The following LRRC3C variants were observed in gnomAD, a reference collection of about 807,000 sequenced individuals.
LRRC3C encodes leucine-rich repeat-containing protein 3C.
Under a neutral mutation model 14.8 loss-of-function variants are expected in LRRC3C, and 11 were observed. That is an observed-to-expected ratio of 0.74 (90% CI 0.47 to 1.23). The LOEUF (loss-of-function observed/expected upper bound fraction) is 1.23. Among genes scored for constraint, LRRC3C ranks in the 50% most tolerant of loss-of-function variants. LRRC3C has a pLI of 0.00. For synonymous variants in LRRC3C, 149 were observed against 161.5 expected (o/e 0.92, Z 0.59); for missense variants, 354 against 361.8 (o/e 0.98, Z 0.18).
chr17:39,927,980 T>C (rs1046330808), intron 1 of LRRC3C, 166 bp downstream of exon 1: 4 of 620,624 alleles, frequency 6.4e-6, no homozygotes, highest in Non-Finnish European at 6.0e-6. Flanking sequence ...CTGCAGGATT[T>C]TTCCACTGCA....
At position 39,941,459 on chromosome 17, in the gene LRRC3C, C is replaced by G. The variant is rs1690625352; in HGVS notation, c.-65C>G. 1 of 1,365,992 alleles carries G rather than the reference C, an allele frequency of 7.3e-7. No homozygotes were observed. Among genetic ancestry groups the G allele is most frequent in the South Asian group, 1.2e-5 (1 of 80,442 alleles). 84.6% of individuals were successfully genotyped at this position (1,365,992 alleles called of 1,614,324 possible). A position where few individuals can be genotyped will look rare whatever the true frequency, so the allele number is the denominator to read the frequency against. ...TGCACTCAGCTCTACAATTCCGTGT[C>G]CAGTCCTGGTCACCCATAGTCTTCC... is the stretch of plus-strand genomic sequence containing the variant. On this transcript the variant is annotated 5_prime_UTR_variant, in exon 3 of 4. Transcript: ENST00000377924.
intron 2 of LRRC3C, among the ~76,000 whole-genome samples, chr17:39,938,583 C>G (rs1978860671): frequency 6.6e-6 from 1 of 151,214 alleles, no homozygotes; most frequent in East Asian, 1.9e-4. Flanking sequence ...TGTCTGTGGT[C>G]CCAGCTACAT....
intron 3 of LRRC3C, 119 bp from the exon 4 acceptor site, chr17:39,943,814 C>T: frequency 1.1e-6 from 1 of 907,232 alleles, no homozygotes; most frequent in African/African-American, 1.7e-5. Context: ...GAGAAGCCCC[C>T]AGAGAAGAGG....
chr17:39,934,248 G>T (rs1305081588), intron 1 of LRRC3C, among the ~76,000 whole-genome samples: 2 of 152,182 alleles, frequency 1.3e-5, no homozygotes, highest in East Asian at 3.8e-4. Context: ...CCTTCAACCT[G>T]CATATTCTTT....
intron 1 of LRRC3C, among the ~76,000 whole-genome samples, chr17:39,930,632 C>T (rs1469166110): frequency 5.1e-4 from 68 of 134,154 alleles, no homozygotes; most frequent in Non-Finnish European, 7.9e-4. Context: ...TGCTTGAACC[C>T]AGGAGGCAGA....
intron 1 of LRRC3C, among the ~76,000 whole-genome samples, chr17:39,934,052 C>T (rs1978730992): frequency 6.6e-6 from 1 of 152,232 alleles, no homozygotes; most frequent in African/African-American, 2.4e-5. Flanking sequence ...GGAGTGGGTG[C>T]GGGACTGGCA....
At chr17:39,932,155 C>A (rs1207968809) in intron 1 of LRRC3C, among the ~76,000 whole-genome samples, 2 of 152,098 alleles carry the variant, frequency 1.3e-5, no homozygotes, top group Non-Finnish European at 2.9e-5. Context: ...GCTTCAGTTA[C>A]CTCGTTGCTA....
Position 39,941,442 on chromosome 17 carries a change from G to T in LRRC3C, c.-81-1G>T. The T allele has an allele frequency of 8.7e-7, 1 of 1,152,082 alleles. No homozygotes were observed. Among genetic ancestry groups the T allele is most frequent in the Non-Finnish European group, 1.2e-6 (1 of 802,710 alleles). The allele number at this position is 1,152,082 out of a possible 1,614,324, so 71.4% of individuals were successfully genotyped here. A position where few individuals can be genotyped will look rare whatever the true frequency, so the allele number is the denominator to read the frequency against. On this transcript the variant is annotated splice_acceptor_variant, in intron 2 of 3. Coordinates refer to ENST00000377924, the MANE Select transcript of LRRC3C (RefSeq NM_001195545.2). LOFTEE classifies it low-confidence loss of function (5UTR_SPLICE). ...ACACCCCATTTTTATTTTGCACTCA[G>T]CTCTACAATTCCGTGTCCAGTCCTG...
rs546167542 is a variant in LRRC3C at position 39,944,481 on chromosome 17, G to T, written c.575G>T (p.Arg192Leu). The T allele has an allele frequency of 1.9e-5, 28 of 1,487,436 alleles. No homozygotes were observed. In the East Asian group the frequency reaches 4.9e-4, roughly 26 times the overall value. The allele number at this position is 1,487,436 out of a possible 1,614,324, so 92.1% of individuals were successfully genotyped here. ...GTGIVCGSGA[R>L]PDLVGQEFLL... The stretch of plus-strand genomic sequence containing the variant: ...GGCATCGTGTGTGGCTCAGGAGCCC[G>T]ACCGGACCTCGTGGGGCAGGAGTTC... The change falls in exon 4 of 4, where the codon CGA (arginine) becomes CTA (leucine). Residue 192 changes from arginine to leucine, a missense_variant. Coordinates refer to ENST00000377924, the MANE Select transcript of LRRC3C (RefSeq NM_001195545.2).
At chr17:39,936,793 G>A (rs1978809500) in intron 2 of LRRC3C, among the ~76,000 whole-genome samples, 1 of 151,738 alleles carries the variant, frequency 6.6e-6, no homozygotes, top group African/African-American at 2.4e-5. Flanking sequence ...CTCCAGGCTG[G>A]GAGACAGAGT....
chr17:39,932,817 C>T (rs776620887), intron 1 of LRRC3C, among the ~76,000 whole-genome samples: 22 of 151,078 alleles, frequency 1.5e-4, no homozygotes, highest in Non-Finnish European at 2.8e-4. Flanking sequence ...TTTGGGAGGC[C>T]GAGGCAGGTG....
Position 39,942,942 on chromosome 17 carries a change from G to A in LRRC3C, c.27-991G>A, listed in dbSNP as rs78131755. On this transcript the variant is annotated intron_variant, in intron 3 of 3. Coordinates refer to ENST00000377924, the MANE Select transcript of LRRC3C (RefSeq NM_001195545.2). ...CAGCCAGGTTCTGGGTAAGGAAGAG[G>A]AGTTCTGGGAAGCAGTTTCAGCCTT... 6.6e-3 allele frequency among the ~76,000 whole-genome samples: 1,001 copies of A among 152,334 alleles called. 40 individuals carry two copies. The East Asian group carries it at 0.079, about 12-fold the overall frequency.
At position 39,944,249 on chromosome 17, in the gene LRRC3C, C is replaced by G; in HGVS notation, c.343C>G (p.Leu115Val). Residue 115 changes from leucine to valine, a missense_variant, in exon 4 of 4, where the codon CTT becomes GTT. Physicochemically the swap from Leu to Val is conservative, Grantham distance 32. Coordinates refer to ENST00000377924, the MANE Select transcript of LRRC3C (RefSeq NM_001195545.2). ...GGAGTTGGATCTGTCCCATAATGCC[C>G]TTGCCCACCTCTCAGGGGCGGCTTT... ...LEELDLSHNALAHLSGAAFQG... is the reference protein window; with the variant it reads ...LEELDLSHNAVAHLSGAAFQG... 5.9e-6 allele frequency: 9 copies of G among 1,535,054 alleles called. No homozygotes were observed. The highest frequency in any genetic ancestry group is 7.9e-6 in the Non-Finnish European group (9 of 1,146,356).
At chr17:39,936,205 A>G (rs979240166) in intron 2 of LRRC3C, among the ~76,000 whole-genome samples, 1 of 152,178 alleles carries the variant, frequency 6.6e-6, no homozygotes, top group Non-Finnish European at 1.5e-5. Flanking sequence ...CTGCCATTCT[A>G]GACACGTGGA....
chr17:39,932,703 A>G (rs1978683406), intron 1 of LRRC3C, among the ~76,000 whole-genome samples: 2 of 152,028 alleles, frequency 1.3e-5, no homozygotes, highest in South Asian at 4.1e-4. Flanking sequence ...GGCTGCAGTG[A>G]GTTATGATCT....
At chr17:39,940,153 A>G (rs1978899222) in intron 2 of LRRC3C, among the ~76,000 whole-genome samples, 1 of 152,184 alleles carries the variant, frequency 6.6e-6, no homozygotes, top group African/African-American at 2.4e-5. Context: ...CCTTAGACAA[A>G]TGTGAGTCTG....
At chr17:39,943,684 GA>G (rs112681675) in intron 3 of LRRC3C, among the ~76,000 whole-genome samples, 7 of 152,224 alleles carry the variant, frequency 4.6e-5, no homozygotes, top group African/African-American at 1.7e-4. Context: ...TAACCTTCTA[GA>G]ATCAACAGAC....
Position 39,944,308 on chromosome 17 carries a change from CCT to C in LRRC3C, c.407_408del (p.Ser136CysfsTer29), listed in dbSNP as rs1282876086. 4 of 1,535,692 alleles carry C rather than the reference CCT, an allele frequency of 2.6e-6. No individual in the cohort carries two copies. In the East Asian group the frequency reaches 7.3e-5, roughly 28 times the overall value. ...TGGAGGGCACATTGCGCCACCTCGA[CCT>C]CTCTGCCAACCAGCTGGCCTCAGTG... The part of the protein sequence containing the change: ...GLEGTLRHLD[L>X]SANQLASVPV... On this transcript the variant is annotated frameshift_variant, in exon 4 of 4. Coordinates refer to ENST00000377924, the MANE Select transcript of LRRC3C (RefSeq NM_001195545.2). LOFTEE classifies it high-confidence loss of function.
chr17:39,933,613 A>G lies in LRRC3C; in HGVS notation c.-174-2189A>G, dbSNP rs375202748. On this transcript the variant is annotated intron_variant, in intron 1 of 3. Transcript: ENST00000377924. ...CCGGGCGTGGTGGCGGGCGCCTGTA[A>G]TCCCAGCTACTCAGGAGGCTGAGGC... Among the ~76,000 whole-genome samples the G allele has an allele frequency of 2.6e-3, 401 of 152,222 alleles. 3 individuals carry two copies. The highest frequency in any genetic ancestry group is 3.9e-3 in the Non-Finnish European group (262 of 68,014).
Sources: allele counts gnomAD v4.1 joint callset (sites outside exome capture counted in the v4.1 genomes callset), GRCh38; gene constraint gnomAD v4.1.1; transcripts MANE v1.5; gene names NCBI Gene and HGNC (gene_info 2026-07-23, HGNC 2026-07-21).